The following CHODL variants were observed in gnomAD, a reference collection of about 807,000 sequenced individuals.
CHODL encodes transmembrane protein MT75.
Under a neutral mutation model 34.5 loss-of-function variants are expected in CHODL, and 29 were observed. The observed-to-expected ratio is 0.84, with a 90% confidence interval of 0.63 to 1.15. CHODL has a LOEUF of 1.15. Among genes scored for constraint, CHODL ranks in the 50% most tolerant of loss-of-function variants. The pLI is 0.00. For synonymous variants in CHODL, 125 were observed against 116.1 expected (o/e 1.08, Z -0.49); for missense variants, 332 against 332.5 (o/e 1.00, Z 0.01).
At chr21:18,192,566 A>G (rs1475737765) in intron 2 of CHODL, among the ~76,000 whole-genome samples, 1 of 152,140 alleles carries the variant, frequency 6.6e-6, no homozygotes, top group African/African-American at 2.4e-5. Flanking sequence ...ACATCAACAC[A>G]TTTACATAGG....
chr21:18,100,239 C>G (rs2065196783), intron 2 of CHODL, among the ~76,000 whole-genome samples: 1 of 152,042 alleles, frequency 6.6e-6, no homozygotes, highest in African/African-American at 2.4e-5. Flanking sequence ...TGGAAAGATA[C>G]ATTGTCAATC....
chr21:17,984,292 A>AT (rs2063736921), intron 1 of CHODL, among the ~76,000 whole-genome samples: 2 of 152,218 alleles, frequency 1.3e-5, no homozygotes, highest in Non-Finnish European at 2.9e-5. Context: ...GTCAATGGAC[A>AT]CTATATCTTG....
intron 2 of CHODL, among the ~76,000 whole-genome samples, chr21:18,055,466 T>C (rs528962229): frequency 3.4e-4 from 52 of 152,134 alleles, no homozygotes; most frequent in African/African-American, 1.2e-3. Flanking sequence ...ACAAAAAGCT[T>C]CCAAGTAAAA....
intron 2 of CHODL, among the ~76,000 whole-genome samples, chr21:18,214,195 C>G (rs911645634): frequency 2.6e-5 from 4 of 152,056 alleles, no homozygotes; most frequent in African/African-American, 9.7e-5. Context: ...ATATTCTCCC[C>G]TCTTGACCTT....
At chr21:17,976,153 C>T (rs1367793090) in intron 1 of CHODL, among the ~76,000 whole-genome samples, 1 of 151,008 alleles carries the variant, frequency 6.6e-6, no homozygotes, top group African/African-American at 2.4e-5. Context: ...TGCATGTAGT[C>T]CTAGTTACTT....
chr21:18,109,730 T>C (rs2065323890), intron 2 of CHODL, among the ~76,000 whole-genome samples: 1 of 152,136 alleles, frequency 6.6e-6, no homozygotes, highest in South Asian at 2.1e-4. Flanking sequence ...AGAGATTATT[T>C]CTCTTGCATG....
At chr21:17,938,065 C>T (rs568431772) in intron 1 of CHODL, among the ~76,000 whole-genome samples, 3 of 152,222 alleles carry the variant, frequency 2.0e-5, no homozygotes, top group East Asian at 1.9e-4. Context: ...GTAATATTTG[C>T]GAATTTGAAA....
intron 2 of CHODL, among the ~76,000 whole-genome samples, chr21:18,164,471 T>A (rs904442013): frequency 1.2e-4 from 18 of 152,206 alleles, no homozygotes; most frequent in South Asian, 2.1e-4. Context: ...CAGTTTTTTT[T>A]ATTGGTGGTT....
chr21:18,090,204 C>T (rs953488866), intron 2 of CHODL, among the ~76,000 whole-genome samples: 3 of 152,124 alleles, frequency 2.0e-5, no homozygotes, highest in African/African-American at 7.2e-5. Flanking sequence ...AAGACAAAAA[C>T]ATAAAACATG....
At chr21:18,173,272 A>C (rs34022224) in intron 2 of CHODL, among the ~76,000 whole-genome samples, 29,676 of 151,972 alleles carry the variant, frequency 0.2, 4,237 homozygotes, top group East Asian at 0.48. Context: ...ATATTTCATC[A>C]CCTTTGTCAT....
chr21:17,954,633 G>C lies in CHODL; in HGVS notation c.-145+37233G>C, dbSNP rs1263446731. 2.2e-5 allele frequency among the ~76,000 whole-genome samples: 3 copies of C among 134,756 alleles called. 1 individual carries two copies. The highest frequency in any genetic ancestry group is 3.4e-5 in the Non-Finnish European group (2 of 59,636). 88.4% of individuals were successfully genotyped at this position (134,756 alleles called of 152,430 possible). A position where few individuals can be genotyped will look rare whatever the true frequency, so the allele number is the denominator to read the frequency against. ...TACCATCAGTGCAGCTGGTCCTCAGGCCTTTGGACTTGGATTGGAACTTGA... is the reference window on the plus strand; with the variant it reads ...TACCATCAGTGCAGCTGGTCCTCAGCCCTTTGGACTTGGATTGGAACTTGA... On this transcript the variant is annotated intron_variant, in intron 1 of 6. Transcript: ENST00000400127.
rs185183579 is a variant in CHODL, at chr21:18,139,469, G to A, written c.-45+111498G>A. 1.1e-3 allele frequency among the ~76,000 whole-genome samples: 171 copies of A among 152,186 alleles called. 1 individual carries two copies. The South Asian group carries it at 0.016, about 14-fold the overall frequency. On this transcript the variant is annotated intron_variant, in intron 2 of 6. Transcript: ENST00000400127. ...ATAAAATTCATTATTGAAATTCGAGGCATGAAAGCTCATGGCCCAAGTAAA... is the reference window on the plus strand; with the variant it reads ...ATAAAATTCATTATTGAAATTCGAGACATGAAAGCTCATGGCCCAAGTAAA...
chr21:18,081,834 G>T (rs1293411699), intron 2 of CHODL, among the ~76,000 whole-genome samples: 2 of 152,024 alleles, frequency 1.3e-5, no homozygotes, highest in African/African-American at 4.8e-5. Flanking sequence ...TTTCTTCTGT[G>T]GCTAGTTTGT....
At chr21:18,171,324 A>G (rs1003343347) in intron 2 of CHODL, among the ~76,000 whole-genome samples, 1 of 145,566 alleles carries the variant, frequency 6.9e-6, no homozygotes, top group Non-Finnish European at 1.5e-5. Flanking sequence ...CTCCTGCCTC[A>G]GCCTCCCGAG....
chr21:17,984,605 T>A (rs1449559340), intron 1 of CHODL, among the ~76,000 whole-genome samples: 2 of 152,170 alleles, frequency 1.3e-5, no homozygotes, highest in Non-Finnish European at 2.9e-5. Flanking sequence ...CTTTTGTACA[T>A]GACTTTTTTT....
intron 2 of CHODL, among the ~76,000 whole-genome samples, chr21:18,201,980 AT>A (rs1452825964): frequency 2.0e-5 from 3 of 151,346 alleles, no homozygotes; most frequent in Non-Finnish European, 4.4e-5. Flanking sequence ...AATTTTTTGT[AT>A]TTTTTAGTAG....
intron 2 of CHODL, among the ~76,000 whole-genome samples, chr21:18,132,668 A>G (rs1361239437): frequency 6.6e-6 from 1 of 152,146 alleles, no homozygotes; most frequent in Non-Finnish European, 1.5e-5. Flanking sequence ...TGATTCATGA[A>G]TTATAAGTTG....
intron 1 of CHODL, among the ~76,000 whole-genome samples, chr21:18,251,276 G>A (rs116494375): frequency 0.041 from 6,220 of 150,172 alleles, 409 homozygotes; most frequent in African/African-American, 0.14. Flanking sequence ...AGTGATAGGA[G>A]TGTTAATAAT....
intron 1 of CHODL, among the ~76,000 whole-genome samples, chr21:18,024,247 A>C (rs2064153372): frequency 6.6e-6 from 1 of 152,210 alleles, no homozygotes; most frequent in South Asian, 2.1e-4. Flanking sequence ...ATGATAATAA[A>C]GACGAGGTCT....
Sources: gnomAD v4.1 joint callset for allele counts (sites outside exome capture counted in the v4.1 genomes callset) on GRCh38, gnomAD v4.1.1 for gene constraint, MANE v1.5 for transcripts, NCBI Gene and HGNC (gene_info 2026-07-23, HGNC 2026-07-21) for gene names.